ZNF846: variants seen among roughly 807,000 people sequenced by gnomAD.
ZNF846 encodes the protein zinc finger protein 846.
Under a neutral mutation model 16.0 loss-of-function variants are expected in ZNF846, and 15 were observed. The ratio of observed to expected loss-of-function variants is 0.94; its 90% CI spans 0.63 to 1.45. The LOEUF (loss-of-function observed/expected upper bound fraction) is 1.45, where lower values mean the gene tolerates loss of function less well. Among genes scored for constraint, ZNF846 ranks in the 40% most tolerant of loss-of-function variants. The pLI is 0.00. For missense variants in ZNF846, 714 were observed against 622.3 expected, an observed-to-expected ratio of 1.15 and a Z score of -1.57; for synonymous variants, 229 against 212.0, an observed-to-expected ratio of 1.08 and a Z score of -0.70.
intron 1 of ZNF846, among the ~76,000 whole-genome samples, chr19:9,765,323 C>T (rs1038811962): frequency 2.6e-5 from 4 of 151,834 alleles, no homozygotes; most frequent in East Asian, 3.9e-4. Flanking sequence ...TGCGGTGAGC[C>T]GACACCATGC....
intron 1 of ZNF846, among the ~76,000 whole-genome samples, 155 bp from the exon 2 acceptor site, chr19:9,765,190 G>A (rs542929601): frequency 1.3e-5 from 2 of 152,006 alleles, no homozygotes; most frequent in Non-Finnish European, 2.9e-5. Flanking sequence ...CTGGCCAACA[G>A]GGTGAAACCC....
At chr19:9,749,953 C>A (rs1274482819), downstream of ZNF846, among the ~76,000 whole-genome samples, 1 of 152,124 alleles carries the variant, frequency 6.6e-6, no homozygotes, top group Non-Finnish European at 1.5e-5. Context: ...CACTCCCCCC[C>A]ATATTTGGAC....
At chr19:9,769,845 G>A (rs1318585666), upstream of ZNF846, among the ~76,000 whole-genome samples, 1 of 152,050 alleles carries the variant, frequency 6.6e-6, no homozygotes, top group Non-Finnish European at 1.5e-5. Context: ...GCCGGGTGTG[G>A]TGGTGGGCGC....
downstream of ZNF846, chr19:9,756,382 T>TATAC (rs1411472302): frequency 2.3e-4 from 27 of 119,528 alleles, 1 homozygote; most frequent in African/African-American, 7.7e-4. Flanking sequence ...TATATATATA[T>TATAC]ATAAAGACAT....
chr19:9,760,286 C>G (rs538168179), intron 4 of ZNF846, among the ~76,000 whole-genome samples: 1 of 136,440 alleles, frequency 7.3e-6, no homozygotes, highest in Non-Finnish European at 1.6e-5. Flanking sequence ...AGCAAGACTT[C>G]GTCTCAAAAA....
At chr19:9,785,185 T>G (rs1190419300) in intron 1 of ZNF846, among the ~76,000 whole-genome samples, 1 of 139,514 alleles carries the variant, frequency 7.2e-6, no homozygotes, top group Admixed American at 7.2e-5. Context: ...CCACCCTGTC[T>G]CCCCCTTCAC....
At chr19:9,782,188 A>G (rs1486729020) in intron 1 of ZNF846, among the ~76,000 whole-genome samples, 1 of 152,186 alleles carries the variant, frequency 6.6e-6, no homozygotes, top group Non-Finnish European at 1.5e-5. Flanking sequence ...CCCACCAGGA[A>G]TGGCACTAGC....
At chr19:9,754,613 GT>G (rs1189061210), downstream of ZNF846, among the ~76,000 whole-genome samples, 5 of 143,650 alleles carry the variant, frequency 3.5e-5, no homozygotes, top group African/African-American at 1.3e-4. Flanking sequence ...CAGTTGGATT[GT>G]GTATTTTAAT....
At chr19:9,748,827 C>A (rs2045063485), downstream of ZNF846, among the ~76,000 whole-genome samples, 1 of 152,112 alleles carries the variant, frequency 6.6e-6, no homozygotes, top group Non-Finnish European at 1.5e-5. Flanking sequence ...GGGCCCCCAC[C>A]TTGTGCCAGA....
intron 1 of ZNF846, among the ~76,000 whole-genome samples, chr19:9,775,754 G>A (rs1039188561): frequency 6.6e-6 from 1 of 152,188 alleles, no homozygotes; most frequent in African/African-American, 2.4e-5. Flanking sequence ...GTTTGTGTGT[G>A]GGGTCCCTTG....
exon 6 of ZNF846, chr19:9,758,491 T>C: frequency 6.2e-7 from 1 of 1,613,470 alleles, no homozygotes; most frequent in South Asian, 1.1e-5. Flanking sequence ...TCACACAATT[T>C]CTCTTGTGTG....
upstream of ZNF846, among the ~76,000 whole-genome samples, chr19:9,771,078 A>G (rs907858555): frequency 1.1e-4 from 17 of 152,060 alleles, no homozygotes; most frequent in African/African-American, 4.1e-4. Context: ...AGCAGTGTAC[A>G]ATGTACCCAA....
intron 1 of ZNF846, among the ~76,000 whole-genome samples, chr19:9,776,340 C>T (rs546543164): frequency 3.8e-4 from 54 of 140,874 alleles, no homozygotes; most frequent in Non-Finnish European, 7.7e-4. Flanking sequence ...ACTCCTAGTC[C>T]GCCTTCATGT....
rs370831251 is a variant in ZNF846, at chr19:9,766,199, C to T, written c.-85-1164G>A. The stretch of plus-strand genomic sequence containing the variant: ...CTTTGGGAGGCCGAGGTGGGCAGAT[C>T]GCTTGAGGTCAGCAGTTCAAGATCA... On this transcript the variant is annotated intron_variant, in intron 1 of 5. Transcript: ENST00000397902. 1.8e-4 allele frequency among the ~76,000 whole-genome samples: 28 copies of T among 151,888 alleles called. No individual in the cohort carries two copies. In the South Asian group the frequency reaches 1.9e-3, roughly 10 times the overall value.
At chr19:9,782,290 G>A (rs948091306) in intron 1 of ZNF846, among the ~76,000 whole-genome samples, 1 of 151,966 alleles carries the variant, frequency 6.6e-6, no homozygotes, top group African/African-American at 2.4e-5. Flanking sequence ...TTATTAGACA[G>A]GGTCTCAATC....
At chr19:9,771,175 TTTTTG>T (rs774818285), upstream of ZNF846, among the ~76,000 whole-genome samples, 22 of 151,956 alleles carry the variant, frequency 1.4e-4, no homozygotes, top group African/African-American at 4.6e-4. Context: ...TTTCTATCCT[TTTTTG>T]TTTTGTTTTG....
At chr19:9,767,214 C>T (rs1356011125) in intron 1 of ZNF846, among the ~76,000 whole-genome samples, 1 of 152,100 alleles carries the variant, frequency 6.6e-6, no homozygotes, top group East Asian at 1.9e-4. Flanking sequence ...CAGCTCACCA[C>T]AACCTCTGCC....
At chr19:9,764,839 C>A in intron 2 of ZNF846, 97 bp downstream of exon 2, 1 of 1,425,232 alleles carries the variant, frequency 7.0e-7, no homozygotes, top group Non-Finnish European at 9.9e-7. Flanking sequence ...GCAGGACCAT[C>A]ATTTCTTTAA....
downstream of ZNF846, chr19:9,757,327 C>A: frequency 1.1e-5 from 7 of 646,216 alleles, no homozygotes; most frequent in Non-Finnish European, 1.8e-5. Flanking sequence ...CTTGCCTATT[C>A]CTTATATCAC....
Sources: allele counts gnomAD v4.1 joint callset (sites outside exome capture counted in the v4.1 genomes callset), GRCh38; gene constraint gnomAD v4.1.1; transcripts MANE v1.5; gene names NCBI Gene and HGNC (gene_info 2026-07-23, HGNC 2026-07-21).